Variants in CSMD1 observed in about 807,000 individuals in gnomAD.
The protein encoded by CSMD1 is CUB and sushi domain-containing protein 1.
A neutral mutation model predicts 417.5 loss-of-function variants in CSMD1; 213 were observed. The ratio of observed to expected loss-of-function variants is 0.51; its 90% CI spans 0.46 to 0.57. The LOEUF is 0.57. CSMD1 is among the 20% of genes least tolerant of loss of function. The pLI, the probability that CSMD1 is intolerant of heterozygous loss-of-function variation, is 0.00. For synonymous variants in CSMD1, 2,862 were observed against 1,736.8 expected (o/e 1.65, Z -16.11); for missense variants, 6,923 against 4,529.7 (o/e 1.53, Z -15.17).
intron 40 of CSMD1, among the ~76,000 whole-genome samples, chr8:3,144,164 G>A (rs779458209): frequency 8.5e-5 from 13 of 152,064 alleles, no homozygotes; most frequent in Non-Finnish European, 1.6e-4. Context: ...ATTTACAGGC[G>A]AGCAAACTAA....
rs75805909 is a variant in CSMD1 at position 4,356,577 on chromosome 8, C to T, written c.415+63376G>A. 4.6e-4 allele frequency among the ~76,000 whole-genome samples: 70 copies of T among 152,224 alleles called. 3 individuals are homozygous for T. In the East Asian group the frequency reaches 0.012, roughly 26 times the overall value. On this transcript the variant is annotated intron_variant, in intron 3 of 69. Coordinates refer to ENST00000635120, the MANE Select transcript of CSMD1 (RefSeq NM_033225.6). ...TTTCATTTTAAATGTCTGTTTCAGT[C>T]CATTTTTACCTCTATCCTGTAAGCA...
At chr8:4,188,537 C>G (rs947306729) in intron 3 of CSMD1, among the ~76,000 whole-genome samples, 1 of 152,064 alleles carries the variant, frequency 6.6e-6, no homozygotes, top group African/African-American at 2.4e-5. Context: ...TTGAGGCTGT[C>G]TTTAGGAATT....
At chr8:4,489,795 G>C (rs1411265998) in intron 2 of CSMD1, among the ~76,000 whole-genome samples, 2 of 152,192 alleles carry the variant, frequency 1.3e-5, no homozygotes, top group African/African-American at 4.8e-5. Context: ...CTTTAGTAAA[G>C]CCTGAGAGGA....
At chr8:3,602,742 C>G (rs892731566) in intron 8 of CSMD1, among the ~76,000 whole-genome samples, 87 of 151,632 alleles carry the variant, frequency 5.7e-4, no homozygotes, top group African/African-American at 2.0e-3. Flanking sequence ...CACACACACA[C>G]ACACACAGAA....
chr8:3,529,874 G>GA (rs1262786344), intron 10 of CSMD1, among the ~76,000 whole-genome samples: 2 of 152,280 alleles, frequency 1.3e-5, no homozygotes, highest in East Asian at 3.9e-4. Flanking sequence ...TAGCAAGAGA[G>GA]AAGCAGGGCA....
At chr8:3,579,041 C>T (rs1222656014) in intron 9 of CSMD1, among the ~76,000 whole-genome samples, 1 of 152,200 alleles carries the variant, frequency 6.6e-6, no homozygotes, top group Non-Finnish European at 1.5e-5. Context: ...CACCGACATG[C>T]TTGATAAAGG....
In CSMD1 at chr8:3,973,994, C is replaced by T. The variant is rs571319513; in HGVS notation, c.818+23909G>A. Among the ~76,000 whole-genome samples, 28 of 152,256 alleles carry T rather than the reference C, an allele frequency of 1.8e-4. No homozygotes were observed. In the South Asian group the frequency reaches 2.7e-3, roughly 15 times the overall value. On this transcript the variant is annotated intron_variant, in intron 5 of 69. Coordinates refer to ENST00000635120, the MANE Select transcript of CSMD1 (RefSeq NM_033225.6). ...AAGCATTTATCCATTGAGTTGCAAA[C>T]AATGCAATTACACTCTTTAAGTTAC...
At chr8:4,382,959 G>A (rs999981076) in intron 3 of CSMD1, among the ~76,000 whole-genome samples, 6 of 152,194 alleles carry the variant, frequency 3.9e-5, no homozygotes, top group African/African-American at 1.4e-4. Context: ...TGCATATACA[G>A]GGGATGACAA....
intron 10 of CSMD1, among the ~76,000 whole-genome samples, chr8:3,530,792 G>A (rs529419560): frequency 1.3e-5 from 2 of 151,752 alleles, no homozygotes; most frequent in African/African-American, 4.8e-5. Flanking sequence ...GCCTCCCAAA[G>A]TGCTACTATT....
intron 3 of CSMD1, among the ~76,000 whole-genome samples, chr8:4,398,172 A>G (rs961635206): frequency 1.3e-5 from 2 of 152,252 alleles, no homozygotes; most frequent in African/African-American, 4.8e-5. Flanking sequence ...AAGTTTCCTG[A>G]CAACAGAACT....
At chr8:4,683,011 T>A (rs1806145995) in intron 1 of CSMD1, among the ~76,000 whole-genome samples, 2 of 140,222 alleles carry the variant, frequency 1.4e-5, no homozygotes, top group African/African-American at 2.6e-5. Flanking sequence ...CATAAACACA[T>A]CCAAATTATC....
chr8:4,035,010 A>G (rs2130596944), intron 3 of CSMD1, among the ~76,000 whole-genome samples: 3 of 152,318 alleles, frequency 2.0e-5, no homozygotes, highest in Non-Finnish European at 4.4e-5. Flanking sequence ...AAAGGGCCTG[A>G]AATTATTTTT....
intron 5 of CSMD1, among the ~76,000 whole-genome samples, chr8:3,892,967 A>AC (rs1807086522): frequency 2.1e-5 from 2 of 96,872 alleles, no homozygotes; most frequent in Non-Finnish European, 5.4e-5. Context: ...GACCACAGTG[A>AC]TAAAAAAAAA....
intron 3 of CSMD1, among the ~76,000 whole-genome samples, chr8:4,337,807 C>T (rs182157351): frequency 2.0e-5 from 3 of 152,212 alleles, no homozygotes; most frequent in Admixed American, 1.3e-4. Flanking sequence ...AATTTTTAAT[C>T]AGTAGAATAA....
At chr8:3,753,684 A>C (rs2129053752) in intron 6 of CSMD1, among the ~76,000 whole-genome samples, 1 of 152,008 alleles carries the variant, frequency 6.6e-6, no homozygotes, top group Non-Finnish European at 1.5e-5. Context: ...ATAGCTATTG[A>C]TTAAAACTTA....
chr8:3,245,800 G>T (rs760825702), intron 26 of CSMD1, among the ~76,000 whole-genome samples: 20 of 152,130 alleles, frequency 1.3e-4, no homozygotes, highest in Non-Finnish European at 1.9e-4. Context: ...CTCTTGCTAG[G>T]GGACTAGTTA....
intron 18 of CSMD1, among the ~76,000 whole-genome samples, chr8:3,372,564 T>G (rs1402186530): frequency 6.6e-6 from 1 of 152,110 alleles, no homozygotes; most frequent in Admixed American, 6.5e-5. Context: ...CCGGTGGGAC[T>G]TTCTCCTGAA....
At chr8:4,445,231 T>C (rs745715563) in intron 2 of CSMD1, among the ~76,000 whole-genome samples, 1 of 152,176 alleles carries the variant, frequency 6.6e-6, no homozygotes, top group East Asian at 1.9e-4. Flanking sequence ...TGTTTGACCA[T>C]TATTTTTCTC....
intron 6 of CSMD1, among the ~76,000 whole-genome samples, chr8:3,720,620 T>TTCACACAC (rs72331833): frequency 0.033 from 4,785 of 143,372 alleles, 119 homozygotes; most frequent in Admixed American, 0.042. Flanking sequence ...TCTTTATTCT[T>TTCACACAC]ACACACACAC....
Sources: allele counts gnomAD v4.1 joint callset (sites outside exome capture counted in the v4.1 genomes callset), GRCh38; gene constraint gnomAD v4.1.1; transcripts MANE v1.5; gene names NCBI Gene and HGNC (gene_info 2026-07-23, HGNC 2026-07-21).